DOCK5: variants seen among roughly 807,000 people sequenced by gnomAD.
DOCK5 encodes dedicator of cytokinesis protein 5.
Under a neutral mutation model 251.8 loss-of-function variants are expected in DOCK5, and 142 were observed. That is an observed-to-expected ratio of 0.56 (90% CI 0.49 to 0.65). DOCK5 has a LOEUF of 0.65. Among genes scored for constraint, DOCK5 ranks in the 30% least tolerant of loss-of-function variants. DOCK5 has a pLI of 0.00. For missense variants in DOCK5, 2,111 were observed against 2,312.3 expected (o/e 0.91, Z 1.79); for synonymous variants, 842 against 835.5 (o/e 1.01, Z -0.13).
At chr8:25,377,002 A>G (rs1011151157) in intron 37 of DOCK5, 2 of 193,368 alleles carry the variant, frequency 1.0e-5, no homozygotes, top group Non-Finnish European at 2.1e-5. Context: ...TCATTTTTAT[A>G]CTCCTAATTT....
chr8:25,270,665 A>G (rs995017855), intron 3 of DOCK5: 5 of 420,416 alleles, frequency 1.2e-5, no homozygotes, highest in African/African-American at 8.0e-5. Flanking sequence ...ACGTTCAACC[A>G]AGGTCCTAGA....
intron 1 of DOCK5, among the ~76,000 whole-genome samples, chr8:25,196,814 T>G (rs1426148407): frequency 6.6e-6 from 1 of 152,080 alleles, no homozygotes; most frequent in African/African-American, 2.4e-5. Context: ...TTCAAAAGAA[T>G]TAAAAAAAAG....
intron 1 of DOCK5, among the ~76,000 whole-genome samples, chr8:25,188,252 T>C (rs1215374254): frequency 6.6e-6 from 1 of 152,210 alleles, no homozygotes; most frequent in Non-Finnish European, 1.5e-5. Flanking sequence ...GAGAATGAGA[T>C]ATTCTGCTGA....
intron 26 of DOCK5, chr8:25,351,443 T>G (rs1013946739): frequency 8.7e-6 from 3 of 346,016 alleles, no homozygotes; most frequent in Non-Finnish European, 1.6e-5. Context: ...GTTGAGTCAG[T>G]GGCCACAGTG....
rs1801624455 is a variant in DOCK5, at chr8:25,411,110, G to A, written c.5509-84G>A. 5 of 1,396,872 alleles carry A rather than the reference G, an allele frequency of 3.6e-6. No homozygotes were observed. In the East Asian group the frequency reaches 1.5e-4, roughly 43 times the overall value. 86.5% of individuals were successfully genotyped at this position (1,396,872 alleles called of 1,614,324 possible). A position where few individuals can be genotyped will look rare whatever the true frequency, so the allele number is the denominator to read the frequency against. On this transcript the variant is annotated intron_variant, in intron 51 of 51. Transcript: ENST00000276440. Reference sequence around the variant, plus strand: ...AAACTCAGATCAATTAGAAGCTAAAGCAGAATATGAGAAATAGGAGGAGAA... The same window carrying A: ...AAACTCAGATCAATTAGAAGCTAAAACAGAATATGAGAAATAGGAGGAGAA...
intron 22 of DOCK5, among the ~76,000 whole-genome samples, chr8:25,338,189 C>T (rs1297556349): frequency 3.3e-5 from 5 of 151,424 alleles, no homozygotes; most frequent in East Asian, 3.9e-4. Flanking sequence ...CCAAAGGGCA[C>T]GTCACCATGC....
At chr8:25,299,314 T>A (rs1804698263) in intron 8 of DOCK5, 1 of 512,058 alleles carries the variant, frequency 2.0e-6, no homozygotes, top group Non-Finnish European at 3.4e-6. Context: ...CTCTGGGATT[T>A]AGAGATCACA....
intron 1 of DOCK5, among the ~76,000 whole-genome samples, chr8:25,195,677 A>G (rs114587584): frequency 2.0e-5 from 3 of 152,158 alleles, no homozygotes; most frequent in African/African-American, 4.8e-5. Context: ...TCTTCCTTCA[A>G]ATAATCCCTG....
chr8:25,298,058 TA>T (rs145331060), intron 7 of DOCK5, among the ~76,000 whole-genome samples: 11,785 of 125,904 alleles, frequency 0.094, 775 homozygotes, highest in African/African-American at 0.2. Flanking sequence ...CCCTGCCTCT[TA>T]AAAAAAAAAA....
intron 18 of DOCK5, among the ~76,000 whole-genome samples, 167 bp from the exon 19 acceptor site, chr8:25,332,084 G>A (rs1805695895): frequency 6.6e-6 from 1 of 152,094 alleles, no homozygotes; most frequent in Admixed American, 6.6e-5. Context: ...GGACCACAAG[G>A]TTTTCTCTGA....
intron 2 of DOCK5, 74 bp from the exon 3 acceptor site, chr8:25,268,771 G>C: frequency 8.0e-7 from 1 of 1,247,324 alleles, no homozygotes; most frequent in Non-Finnish European, 1.1e-6. Flanking sequence ...TAGAACATGA[G>C]AGTATATATT....
At chr8:25,361,464 A>G (rs889795337) in intron 28 of DOCK5, among the ~76,000 whole-genome samples, 2 of 151,938 alleles carry the variant, frequency 1.3e-5, no homozygotes, top group Admixed American at 1.3e-4. Context: ...ACAAAAAATA[A>G]TTACCCAGGG....
intron 50 of DOCK5, 81 bp from the exon 51 acceptor site, chr8:25,410,018 G>T: frequency 8.6e-7 from 1 of 1,163,630 alleles, no homozygotes; most frequent in Non-Finnish European, 1.2e-6. Context: ...GTTGGCTTAG[G>T]TGTTACAGTG....
At position 25,275,464 on chromosome 8, in the gene DOCK5, T is replaced by C. The variant is rs375465073; in HGVS notation, c.224+23T>C. On this transcript the variant is annotated intron_variant, in intron 4 of 51. Transcript: ENST00000276440. ...GGGGTAAGTTCCAAGCTAGGAAGAT[T>C]CCCCAAAAATGATGAAGATGTAACA... 2.3e-5 allele frequency: 37 copies of C among 1,590,548 alleles called. 1 individual carries two copies. In the African/African-American group the frequency reaches 4.6e-4, roughly 20 times the overall value.
chr8:25,268,329 T>C (rs1035585602), intron 2 of DOCK5, among the ~76,000 whole-genome samples: 2 of 152,300 alleles, frequency 1.3e-5, no homozygotes, highest in Admixed American at 6.5e-5. Flanking sequence ...TGCAAATATT[T>C]GTCTTCATAA....
intron 22 of DOCK5, among the ~76,000 whole-genome samples, chr8:25,338,177 G>C (rs1343291285): frequency 6.6e-6 from 1 of 151,590 alleles, no homozygotes; most frequent in Non-Finnish European, 1.5e-5. Context: ...AAGTAGCTGG[G>C]ACCAAAGGGC....
chr8:25,313,907 C>T (rs1259158461), intron 13 of DOCK5, among the ~76,000 whole-genome samples: 1 of 151,966 alleles, frequency 6.6e-6, no homozygotes, highest in East Asian at 1.9e-4. Flanking sequence ...GTTGTGGCTT[C>T]AGCATATGAA....
intron 45 of DOCK5, among the ~76,000 whole-genome samples, chr8:25,397,732 T>TG (rs1801370636): frequency 6.6e-6 from 1 of 152,216 alleles, no homozygotes; most frequent in Non-Finnish European, 1.5e-5. Context: ...TAATCACAGA[T>TG]TTATATATGC....
chr8:25,294,170 TC>T, intron 6 of DOCK5, among the ~76,000 whole-genome samples: 1 of 152,236 alleles, frequency 6.6e-6, no homozygotes, highest in African/African-American at 2.4e-5. Flanking sequence ...ATGACTTCTT[TC>T]CCGTTCCAGC....
Sources: allele counts gnomAD v4.1 joint callset (sites outside exome capture counted in the v4.1 genomes callset), GRCh38; gene constraint gnomAD v4.1.1; transcripts MANE v1.5; gene names NCBI Gene and HGNC (gene_info 2026-07-23, HGNC 2026-07-21).